Variants in MYO18A observed in about 807,000 individuals in gnomAD.
The protein encoded by MYO18A is myosin XVIIIA, also known as unconventional myosin-XVIIIa.
MYO18A carries 78 observed loss-of-function variants against 235.8 expected under a neutral mutation model. The observed-to-expected ratio is 0.33, with a 90% CI of 0.28 to 0.40. MYO18A has a LOEUF of 0.40. Ranked by LOEUF, MYO18A falls within the 10% of genes least tolerant of loss-of-function variation. The probability of loss-of-function intolerance (pLI) is 1.00; values close to 1 mark genes in which losing one functional copy is unlikely to be tolerated. For synonymous variants in MYO18A, 977 were observed against 1,077.8 expected (o/e 0.91, Z 1.83); for missense variants, 2,215 against 2,699.3 (o/e 0.82, Z 3.98).
intron 2 of MYO18A, chr17:29,131,372 G>A (rs932021823): frequency 2.0e-6 from 2 of 984,706 alleles, no homozygotes; most frequent in East Asian, 2.3e-4. Context: ...AGAACTCAAG[G>A]ATGCACTTAC....
intron 1 of MYO18A, among the ~76,000 whole-genome samples, chr17:29,174,119 AC>A (rs1205028774): frequency 6.6e-6 from 1 of 152,220 alleles, no homozygotes; most frequent in East Asian, 1.9e-4. Flanking sequence ...CCATTATAAG[AC>A]ATCTATAGGT....
At chr17:29,115,225 TCATAGCC>T in intron 13 of MYO18A, 119 bp downstream of exon 13, 1 of 1,427,206 alleles carries the variant, frequency 7.0e-7, no homozygotes, top group Non-Finnish European at 9.6e-7. Context: ...CTGGCCTTGC[TCATAGCC>T]CATGGGACAG....
intron 2 of MYO18A, among the ~76,000 whole-genome samples, chr17:29,151,364 G>C (rs1398454036): frequency 1.3e-5 from 2 of 152,200 alleles, no homozygotes; most frequent in Non-Finnish European, 2.9e-5. Flanking sequence ...AAATTGTTCT[G>C]TTGGGCAGGT....
At chr17:29,174,429 C>CCTAGAAGTCAAGG in intron 1 of MYO18A, among the ~76,000 whole-genome samples, 1 of 151,880 alleles carries the variant, frequency 6.6e-6, no homozygotes, top group Non-Finnish European at 1.5e-5. Context: ...ATCACTTGAG[C>CCTAGAAGTCAAGG]CTAGAAGTCA....
In MYO18A at chr17:29,110,426, T is replaced by C. The variant is rs770736178; in HGVS notation, c.3087+10A>G. On this transcript the variant is annotated intron_variant, in intron 18 of 41. Coordinates refer to ENST00000527372, the MANE Select transcript of MYO18A (RefSeq NM_078471.4). ...CCAGGCCTGCCTGCTGGGACCCGGC[T>C]GGCACTCACCACCTGTAGCTTCATC... 148 of 1,575,026 alleles carry C rather than the reference T, an allele frequency of 9.4e-5. No homozygotes were observed. The highest frequency in any genetic ancestry group is 2.2e-4 in the Admixed American group (12 of 54,138).
At position 29,114,044 on chromosome 17, in the gene MYO18A, C is replaced by T; in HGVS notation, c.2565G>A (p.Val855=). The stretch of plus-strand genomic sequence containing the variant: ...GATGGGAGGCCTGGTCCACAGCAGC[C>T]ACAGAGTCATCCGTCGGGGGTTCCA... ...DDLEPPTDDS[V]AAVDQASHQS... The change falls in exon 15 of 42, where the codon GTG becomes GTA. Residue 855 remains valine (V), a synonymous_variant. Transcript: ENST00000527372. 1 of 1,603,784 alleles carries T rather than the reference C, an allele frequency of 6.2e-7. No homozygotes were observed. Among genetic ancestry groups the T allele is most frequent in the South Asian group, 1.1e-5 (1 of 88,798 alleles).
rs779281981 is a variant in MYO18A at position 29,121,610 on chromosome 17, C to T, written c.1308G>A (p.Thr436=). Residue 436 remains threonine, a synonymous_variant, in exon 5 of 42, where the codon ACG becomes ACA. Coordinates refer to ENST00000527372, the MANE Select transcript of MYO18A (RefSeq NM_078471.4). This position sits in a 1 kb window ranked among gnomAD's most constrained non-coding sequence, Gnocchi z 4.2. ...RQRYGASLLH[T]YAGPSLLVLG... ...GAACCAGCAGGCTGGGGCCAGCATA[C>T]GTGTGCAGCAGGCTAGCGCCATAGC... The T allele has an allele frequency of 2.4e-5, 39 of 1,595,352 alleles. No individual in the cohort carries two copies. The highest frequency in any genetic ancestry group is 1.4e-4 in the Admixed American group (8 of 56,656).
In MYO18A at chr17:29,073,731, G is replaced by A. The variant is rs1598249981; in HGVS notation, c.*1039C>T. On this transcript the variant is annotated 3_prime_UTR_variant, in exon 42 of 42. Transcript: ENST00000527372. ...CCAGACCACATGGTGTTGTGTCTGG[G>A]ATAAGTGTGTGGGGGCAGGGAGGTT... 9.8e-7 allele frequency: 1 copy of A among 1,017,974 alleles called. No homozygotes were observed. Among genetic ancestry groups the A allele is most frequent in the East Asian group, 2.4e-5 (1 of 41,060 alleles). 63.1% of individuals were successfully genotyped at this position (1,017,974 alleles called of 1,614,324 possible).
intron 2 of MYO18A, among the ~76,000 whole-genome samples, chr17:29,152,550 G>A (rs538026061): frequency 3.3e-5 from 5 of 152,234 alleles, no homozygotes; most frequent in Admixed American, 2.6e-4. Flanking sequence ...GGCACTTTGG[G>A]CATAAGCATC....
intron 2 of MYO18A, among the ~76,000 whole-genome samples, chr17:29,148,875 T>C (rs1192062196): frequency 1.3e-5 from 2 of 152,262 alleles, no homozygotes; most frequent in African/African-American, 4.8e-5. Flanking sequence ...GGTCAGGCTC[T>C]GTGAGGGCCG....
chr17:29,073,498 A>C lies in MYO18A; in HGVS notation c.*1272T>G. ...CCAGACTTTGCCTGAGCCTGAAGGA[A>C]CAGGCAGGAAAACTGGCGCAGCCAG... On this transcript the variant is annotated 3_prime_UTR_variant, in exon 42 of 42. Transcript: ENST00000527372. The C allele has an allele frequency of 5.3e-6, 1 of 186,962 alleles. No individual in the cohort carries two copies. The highest frequency in any genetic ancestry group is 1.1e-5 in the Non-Finnish European group (1 of 90,088). The allele number at this position is 186,962 out of a possible 1,614,324, so 11.6% of individuals were successfully genotyped here. A position where few individuals can be genotyped will look rare whatever the true frequency, so the allele number is the denominator to read the frequency against.
intron 20 of MYO18A, among the ~76,000 whole-genome samples, chr17:29,104,456 A>G (rs1349570354): frequency 6.6e-6 from 1 of 152,210 alleles, no homozygotes; most frequent in Non-Finnish European, 1.5e-5. Context: ...AGTAGGGAAT[A>G]TAAGAGAAAG....
At chr17:29,159,095 C>T (rs1349203537) in intron 2 of MYO18A, among the ~76,000 whole-genome samples, 1 of 152,146 alleles carries the variant, frequency 6.6e-6, no homozygotes, top group African/African-American at 2.4e-5. Flanking sequence ...GGCACTGTGC[C>T]CACCACCCAC....
At position 29,121,735 on chromosome 17, in the gene MYO18A, G is replaced by A; in HGVS notation, c.1195-12C>T. 6.4e-7 allele frequency: 1 copy of A among 1,571,848 alleles called. No individual in the cohort carries two copies. The highest frequency in any genetic ancestry group is 1.1e-5 in the South Asian group (1 of 87,424). On this transcript the variant is annotated splice_polypyrimidine_tract_variant and intron_variant, in intron 4 of 41. Transcript: ENST00000527372. The surrounding 1 kb of genome is among the most constrained non-coding windows in gnomAD (Gnocchi z 4.2). Reference sequence around the variant, plus strand: ...GAGGGAGCATTAGCCTGTGTGGGAGGACAGGCGGGTGGGTATTAGAGCAGC... The same window carrying A: ...GAGGGAGCATTAGCCTGTGTGGGAGAACAGGCGGGTGGGTATTAGAGCAGC...
intron 2 of MYO18A, among the ~76,000 whole-genome samples, chr17:29,127,255 T>C (rs2067344275): frequency 6.6e-6 from 1 of 152,210 alleles, no homozygotes; most frequent in South Asian, 2.1e-4. Context: ...AGTGTGAATA[T>C]TCATAGATTT....
In MYO18A at chr17:29,166,366, C is replaced by T. The variant is rs2068284445; in HGVS notation, c.575G>A (p.Arg192Gln). Residue 192 changes from arginine (R) to glutamine (Q), a missense_variant, in exon 2 of 42, where the codon CGA becomes CAA. Coordinates refer to ENST00000527372, the MANE Select transcript of MYO18A (RefSeq NM_078471.4). Reference protein sequence around the residue: ...PGIPRPGHRSRAPELVTKKFP... With the variant: ...PGIPRPGHRSQAPELVTKKFP... ...CTTTTTAGTCACTAGCTCAGGGGCT[C>T]GGGATCGGTGCCCTGGTCGAGGGAT... 1.9e-6 allele frequency: 3 copies of T among 1,613,302 alleles called. No homozygotes were observed. The highest frequency in any genetic ancestry group is 1.7e-6 in the Non-Finnish European group (2 of 1,179,876).
At chr17:29,168,211 C>T (rs1016518039) in intron 1 of MYO18A, among the ~76,000 whole-genome samples, 1 of 151,984 alleles carries the variant, frequency 6.6e-6, no homozygotes, top group Non-Finnish European at 1.5e-5. Context: ...AAACAGGATC[C>T]TAAAAAATTC....
intron 2 of MYO18A, among the ~76,000 whole-genome samples, chr17:29,150,631 T>C (rs2067946658): frequency 6.6e-6 from 1 of 152,266 alleles, no homozygotes; most frequent in East Asian, 1.9e-4. Flanking sequence ...AGAGCCGTAC[T>C]GTTCAATATG....
chr17:29,125,991 C>T lies in MYO18A; in HGVS notation c.1000-3738G>A. On this transcript the variant is annotated intron_variant, in intron 2 of 41. Coordinates refer to ENST00000527372, the MANE Select transcript of MYO18A (RefSeq NM_078471.4). The surrounding 1 kb of genome is among the most constrained non-coding windows in gnomAD (Gnocchi z 5.1). ...GCCTAAAGGTTAAACCACTATTAGT[C>T]CCAGCCCAGAAATGGAGAGGCCACA... is the stretch of plus-strand genomic sequence containing the variant. The T allele has an allele frequency of 2.0e-6, 2 of 984,756 alleles. No individual in the cohort carries two copies. The highest frequency in any genetic ancestry group is 2.4e-6 in the Non-Finnish European group (2 of 828,886). The allele number at this position is 984,756 out of a possible 1,614,324, so 61.0% of individuals were successfully genotyped here. A position where few individuals can be genotyped will look rare whatever the true frequency, so the allele number is the denominator to read the frequency against.
Sources: allele counts gnomAD v4.1 joint callset (sites outside exome capture counted in the v4.1 genomes callset), GRCh38; gene constraint gnomAD v4.1.1; non-coding constraint Gnocchi (gnomAD v3.1); transcripts MANE v1.5; gene names NCBI Gene and HGNC (gene_info 2026-07-23, HGNC 2026-07-21).